GPLD1: variants seen among roughly 807,000 people sequenced by gnomAD.
GPLD1 encodes the protein glycosylphosphatidylinositol specific phospholipase D1.
In GPLD1, 84 loss-of-function variants were observed where a neutral mutation model predicts 112.6. The observed-to-expected ratio is 0.75, with a 90% CI of 0.63 to 0.89. GPLD1 has a LOEUF of 0.89. GPLD1 is among the 40% of genes least tolerant of loss of function. GPLD1 has a pLI of 0.00. For synonymous variants in GPLD1, 386 were observed against 403.8 expected, an observed-to-expected ratio of 0.96 and a Z score of 0.53; for missense variants, 1,044 against 1,051.5, an observed-to-expected ratio of 0.99 and a Z score of 0.10.
chr6:24,445,770 A>C lies in GPLD1; in HGVS notation c.1882T>G (p.Phe628Val), dbSNP rs757052310. The C allele has an allele frequency of 1.2e-6, 2 of 1,613,916 alleles. No individual in the cohort carries two copies. The highest frequency in any genetic ancestry group is 1.7e-6 in the Non-Finnish European group (2 of 1,179,958). ...AACCAGCTTTGGCCGTTTGGTGGGA[A>C]GTAGCCATACACCCTCCCAAGGCTC... ...KKSLGRVYGY[F>V]PPNGQSWFTI... Residue 628 changes from phenylalanine to valine, a missense_variant, in exon 19 of 25, where the codon TTC becomes GTC. Physicochemically the swap from Phe to Val is conservative, Grantham distance 50. Coordinates refer to ENST00000230036, the MANE Select transcript of GPLD1 (RefSeq NM_001503.4).
At chr6:24,457,545 T>C (rs543558295) in intron 12 of GPLD1, among the ~76,000 whole-genome samples, 1 of 151,944 alleles carries the variant, frequency 6.6e-6, no homozygotes, top group Non-Finnish European at 1.5e-5. Context: ...TATGTGTATA[T>C]ATATTAACAA....
At chr6:24,454,867 G>A (rs150676603) in intron 13 of GPLD1, among the ~76,000 whole-genome samples, 28 of 152,362 alleles carry the variant, frequency 1.8e-4, no homozygotes, top group Middle Eastern at 3.4e-3. Context: ...GGTGGCTCAC[G>A]CCTGTAATCC....
At chr6:24,437,058 CA>C in intron 21 of GPLD1, 54 bp downstream of exon 21, 1 of 1,507,716 alleles carries the variant, frequency 6.6e-7, no homozygotes, top group South Asian at 1.2e-5. Context: ...TTAGGGGACC[CA>C]CCCCCTGGGC....
intron 3 of GPLD1, among the ~76,000 whole-genome samples, chr6:24,478,579 C>T (rs1220622350): frequency 1.3e-5 from 2 of 152,190 alleles, no homozygotes; most frequent in Non-Finnish European, 2.9e-5. Flanking sequence ...CAACTAGCTT[C>T]GTGGCTCTCT....
rs1387232679 is a variant in GPLD1, at chr6:24,436,633, G to T, written c.2301C>A (p.Thr767=). The T allele has an allele frequency of 2.5e-5, 40 of 1,613,828 alleles. No homozygotes were observed. Among genetic ancestry groups the T allele is most frequent in the Non-Finnish European group, 3.4e-6 (4 of 1,179,904 alleles). ...TGCATTTGCCAGTCATGTCACCAAG[G>T]GTGGTCTCTTTGCCATTATATACAT... ...RVYVYNGKET[T]LGDMTGKCKS... Residue 767 remains threonine, a synonymous_variant, in exon 22 of 25, where the codon ACC becomes ACA. Coordinates refer to ENST00000230036, the MANE Select transcript of GPLD1 (RefSeq NM_001503.4).
intron 2 of GPLD1, among the ~76,000 whole-genome samples, chr6:24,484,031 T>G (rs7742453): frequency 0.18 from 26,907 of 151,986 alleles, 2,759 homozygotes; most frequent in African/African-American, 0.28. Flanking sequence ...TTCTCCCGCC[T>G]CAGCCTCCCA....
chr6:24,488,406 C>T (rs922796122), intron 1 of GPLD1, among the ~76,000 whole-genome samples: 1 of 114,456 alleles, frequency 8.7e-6, no homozygotes, highest in Non-Finnish European at 1.7e-5. Context: ...AGCGAGACTC[C>T]GTCTCAAAAA....
intron 1 of GPLD1, among the ~76,000 whole-genome samples, chr6:24,487,450 C>T (rs1445181080): frequency 1.3e-5 from 2 of 152,032 alleles, no homozygotes; most frequent in Non-Finnish European, 2.9e-5. Flanking sequence ...TCCATTAGGA[C>T]CTTTGTTTGG....
In GPLD1 at chr6:24,428,018, G is replaced by A. The variant is rs965194092; in HGVS notation, c.*1014C>T. Among the ~76,000 whole-genome samples the A allele has an allele frequency of 6.6e-6, 1 of 151,880 alleles. No individual in the cohort carries two copies. Among genetic ancestry groups the A allele is most frequent in the Non-Finnish European group, 1.5e-5 (1 of 67,988 alleles). On this transcript the variant is annotated 3_prime_UTR_variant, in exon 25 of 25. Coordinates refer to ENST00000230036, the MANE Select transcript of GPLD1 (RefSeq NM_001503.4). ...TCTACTTGAGTGGGGAAGGTGGGAG[G>A]AACAGAAAAGATAAAACCTTCACAT...
chr6:24,462,652 C>G (rs756153889), intron 11 of GPLD1, 78 bp downstream of exon 11: 3 of 886,214 alleles, frequency 3.4e-6, no homozygotes. Flanking sequence ...TCAACAGATC[C>G]CGTGTTCTCA....
At position 24,433,215 on chromosome 6, in the gene GPLD1, G is replaced by A. The variant is rs762280115; in HGVS notation, c.2408C>T (p.Ser803Phe). The A allele has an allele frequency of 2.5e-6, 4 of 1,613,258 alleles. No individual in the cohort carries two copies. The East Asian group carries it at 6.7e-5, about 27-fold the overall frequency. Residue 803 changes from serine (S) to phenylalanine (F), a missense_variant, in exon 24 of 25, where the codon TCC (serine) becomes TTC (phenylalanine). Transcript: ENST00000230036. ...TGCCTTGGACCTCACGGTGATGAGG[G>A]AGCTCCCAAACCTTGAGCTGGCCTG... The part of the protein sequence containing the change: ...SPEASSRFGS[S>F]LITVRSKAKN...
chr6:24,468,561 AT>A (rs199823696), intron 7 of GPLD1, among the ~76,000 whole-genome samples: 1 of 148,500 alleles, frequency 6.7e-6, no homozygotes, highest in African/African-American at 2.5e-5. Context: ...TTTTATTTTT[AT>A]TTTTTTTTTG....
At chr6:24,454,955 G>T (rs186807556) in intron 13 of GPLD1, among the ~76,000 whole-genome samples, 2,187 of 152,224 alleles carry the variant, frequency 0.014, 45 homozygotes, top group Admixed American at 0.059. Context: ...ACAGTGAAAT[G>T]CTGTCTCTAC....
rs759102560 is a variant in GPLD1, at chr6:24,449,856, T to C, written c.1379A>G (p.Asn460Ser). The change falls in exon 15 of 25, where the codon AAC (asparagine) becomes AGC (serine). Residue 460 changes from asparagine to serine, a missense_variant. Coordinates refer to ENST00000230036, the MANE Select transcript of GPLD1 (RefSeq NM_001503.4). ...FGSALAVLDF[N>S]VDGVPDLAVG... ...GGCCAGGTCAGGCACGCCGTCCACG[T>C]TAAAGTCCAACACAGCCAAGGCCGA... 1.9e-6 allele frequency: 3 copies of C among 1,613,668 alleles called. No homozygotes were observed. The highest frequency in any genetic ancestry group is 2.5e-6 in the Non-Finnish European group (3 of 1,179,890).
chr6:24,445,586 C>A lies in GPLD1; in HGVS notation c.1980G>T (p.Gly660=). 6.2e-7 allele frequency: 1 copy of A among 1,614,030 alleles called. No homozygotes were observed. Among genetic ancestry groups the A allele is most frequent in the Non-Finnish European group, 8.5e-7 (1 of 1,179,924 alleles). The change falls in exon 20 of 25, where the codon GGG becomes GGT. Residue 660 remains glycine, a synonymous_variant. Transcript: ENST00000230036. The part of the protein sequence containing the change: ...SLSSGHVLMN[G]TLKQVLLVGA... ...CAACCAGCAGCACTTGTTTCAGAGTCCCATTCATCAGTACGTGGCCACTGG... is the reference window on the plus strand; with the variant it reads ...CAACCAGCAGCACTTGTTTCAGAGTACCATTCATCAGTACGTGGCCACTGG...
chr6:24,472,719 T>C (rs1763864642), intron 6 of GPLD1, 83 bp from the exon 7 acceptor site: 1 of 786,852 alleles, frequency 1.3e-6, no homozygotes, highest in Non-Finnish European at 2.3e-6. Context: ...TCTGACAAGT[T>C]GGATTATTAG....
intron 10 of GPLD1, among the ~76,000 whole-genome samples, chr6:24,465,522 A>C (rs1356247453): frequency 1.3e-5 from 2 of 152,072 alleles, no homozygotes; most frequent in Admixed American, 6.6e-5. Context: ...CCTGGGTGAC[A>C]GAACAAGACC....
At chr6:24,477,905 A>T (rs2760148) in intron 3 of GPLD1, among the ~76,000 whole-genome samples, 74,105 of 152,052 alleles carry the variant, frequency 0.49, 18,655 homozygotes, top group African/African-American at 0.59. Context: ...GAAAAATGCA[A>T]AAAAACCTAA....
At chr6:24,478,513 C>A (rs1209807768) in intron 3 of GPLD1, among the ~76,000 whole-genome samples, 1 of 152,178 alleles carries the variant, frequency 6.6e-6, no homozygotes, top group African/African-American at 2.4e-5. Context: ...TTTGTCCTTC[C>A]AGACCCACTC....
Sources: allele counts gnomAD v4.1 joint callset (sites outside exome capture counted in the v4.1 genomes callset), GRCh38; gene constraint gnomAD v4.1.1; transcripts MANE v1.5; gene names NCBI Gene and HGNC (gene_info 2026-07-23, HGNC 2026-07-21).